The following CFAP20DC variants were observed in gnomAD, a reference collection of about 807,000 sequenced individuals.
The protein encoded by CFAP20DC is CFAP20 domain containing.
Under a neutral mutation model 101.7 loss-of-function variants are expected in CFAP20DC, and 84 were observed. That is an observed-to-expected ratio of 0.83 (90% CI 0.69 to 0.99). CFAP20DC has a LOEUF of 0.99. Among genes scored for constraint, CFAP20DC ranks in the 50% least tolerant of loss-of-function variants. The pLI is 0.00. For missense variants in CFAP20DC, 1,007 were observed against 970.3 expected, an observed-to-expected ratio of 1.04 and a Z score of -0.50; for synonymous variants, 359 against 351.2, an observed-to-expected ratio of 1.02 and a Z score of -0.25.
In CFAP20DC at chr3:59,014,643, T is replaced by A. The variant is rs1256749042; in HGVS notation, c.278+24914A>T. Among the ~76,000 whole-genome samples the A allele has an allele frequency of 1.3e-5, 2 of 152,202 alleles. No homozygotes were observed. Among genetic ancestry groups the A allele is most frequent in the Admixed American group, 6.5e-5 (1 of 15,270 alleles). On this transcript the variant is annotated intron_variant, in intron 4 of 16. Coordinates refer to ENST00000482387, the MANE Select transcript of CFAP20DC (RefSeq NM_001394063.1). This position sits in a 1 kb window ranked among gnomAD's most constrained non-coding sequence, Gnocchi z 4.9. ...CTCAATGGCTGTCAAAAAATGAGTC[T>A]GTTAAGGAGTTAACAGACATCTGAT...
intron 15 of CFAP20DC, among the ~76,000 whole-genome samples, chr3:58,767,842 TTATC>T (rs1428061722): frequency 2.6e-5 from 4 of 152,234 alleles, no homozygotes; most frequent in African/African-American, 7.2e-5. Context: ...CACCAAGTGT[TTATC>T]TAATCTATGC....
At position 58,874,565 on chromosome 3, in the gene CFAP20DC, G is replaced by C. The variant is rs1049191591; in HGVS notation, c.716-4256C>G. 6.6e-6 allele frequency among the ~76,000 whole-genome samples: 1 copy of C among 151,984 alleles called. No individual in the cohort carries two copies. The highest frequency in any genetic ancestry group is 2.4e-5 in the African/African-American group (1 of 41,386). Reference sequence around the variant, plus strand: ...CTCGTTTTCTGCCCTCTCGGTAGACGGGCCTTCTCAGTTCTTCCTGCCTAC... The same window carrying C: ...CTCGTTTTCTGCCCTCTCGGTAGACCGGCCTTCTCAGTTCTTCCTGCCTAC... On this transcript the variant is annotated intron_variant, in intron 7 of 16. Coordinates refer to ENST00000482387, the MANE Select transcript of CFAP20DC (RefSeq NM_001394063.1). This position sits in a 1 kb window ranked among gnomAD's most constrained non-coding sequence, Gnocchi z 5.1.
chr3:58,874,522 T>C lies in CFAP20DC; in HGVS notation c.716-4213A>G. Reference sequence around the variant, plus strand: ...GCAAAACCCTGCATGTTCTGACATGTCTGAGTATCTTACACCTCTCGTTTT... The same window carrying C: ...GCAAAACCCTGCATGTTCTGACATGCCTGAGTATCTTACACCTCTCGTTTT... On this transcript the variant is annotated intron_variant, in intron 7 of 16. Transcript: ENST00000482387. The surrounding 1 kb of genome is among the most constrained non-coding windows in gnomAD (Gnocchi z 5.1). Among the ~76,000 whole-genome samples the C allele has an allele frequency of 6.6e-6, 1 of 152,138 alleles. No individual in the cohort carries two copies. The highest frequency in any genetic ancestry group is 1.9e-4 in the East Asian group (1 of 5,202).
intron 4 of CFAP20DC, among the ~76,000 whole-genome samples, chr3:58,979,417 T>C: frequency 6.6e-6 from 1 of 152,230 alleles, no homozygotes; most frequent in South Asian, 2.1e-4. Context: ...GCACTATGTG[T>C]TAGCTGTTAC....
At chr3:58,962,216 C>T (rs575946342) in intron 4 of CFAP20DC, among the ~76,000 whole-genome samples, 4 of 152,244 alleles carry the variant, frequency 2.6e-5, no homozygotes, top group African/African-American at 9.6e-5. Context: ...GCTGCATTTT[C>T]GTTTTCCTTC....
At chr3:58,878,922 G>A (rs951357292) in intron 7 of CFAP20DC, among the ~76,000 whole-genome samples, 1 of 151,960 alleles carries the variant, frequency 6.6e-6, no homozygotes, top group African/African-American at 2.4e-5. Context: ...GCGGGAGAAC[G>A]GCGTGAACCC....
At chr3:59,037,707 A>C (rs1460243810) in intron 4 of CFAP20DC, among the ~76,000 whole-genome samples, 1 of 152,080 alleles carries the variant, frequency 6.6e-6, no homozygotes, top group African/African-American at 2.4e-5. Flanking sequence ...ACCACTGTAG[A>C]ATAAATGTGG....
In CFAP20DC at chr3:58,937,681, T is replaced by C. The variant is rs1174195991; in HGVS notation, c.360A>G (p.Ala120=). The change falls in exon 5 of 17, where the codon GCA becomes GCG. Residue 120 remains alanine (A), a synonymous_variant. Coordinates refer to ENST00000482387, the MANE Select transcript of CFAP20DC (RefSeq NM_001394063.1). ...GTTTGATCATGAAGAGTGGAATTTTTGCATGAAGAGGGGTGGAGGATAGTT... is the reference window on the plus strand; with the variant it reads ...GTTTGATCATGAAGAGTGGAATTTTCGCATGAAGAGGGGTGGAGGATAGTT... ...HKELSSTPLH[A]KIPLFMIKRK... is the part of the protein sequence containing the mutation. 1.2e-6 allele frequency: 2 copies of C among 1,611,744 alleles called. No homozygotes were observed. The highest frequency in any genetic ancestry group is 2.2e-5 in the East Asian group (1 of 44,816).
chr3:58,756,330 A>G (rs1029772562), intron 15 of CFAP20DC, among the ~76,000 whole-genome samples: 12 of 152,118 alleles, frequency 7.9e-5, no homozygotes, highest in Non-Finnish European at 1.5e-4. Flanking sequence ...AGCAAAACAA[A>G]CAAGAAACAC....
At chr3:58,965,128 A>T (rs1461213907) in intron 4 of CFAP20DC, among the ~76,000 whole-genome samples, 1 of 152,180 alleles carries the variant, frequency 6.6e-6, no homozygotes, top group Non-Finnish European at 1.5e-5. Flanking sequence ...GCCCTGCAAC[A>T]ACCATCCAGC....
chr3:58,949,269 T>TG (rs1449612799), intron 4 of CFAP20DC, among the ~76,000 whole-genome samples: 9 of 152,166 alleles, frequency 5.9e-5, no homozygotes, highest in Admixed American at 3.9e-4. Flanking sequence ...AAGGTTTTTT[T>TG]TGTCTCTATT....
Position 59,007,254 on chromosome 3 carries a change from C to A in CFAP20DC, c.278+32303G>T, listed in dbSNP as rs1326575171. Among the ~76,000 whole-genome samples the A allele has an allele frequency of 6.6e-6, 1 of 152,192 alleles. No homozygotes were observed. Among genetic ancestry groups the A allele is most frequent in the Admixed American group, 6.5e-5 (1 of 15,284 alleles). On this transcript the variant is annotated intron_variant, in intron 4 of 16. Coordinates refer to ENST00000482387, the MANE Select transcript of CFAP20DC (RefSeq NM_001394063.1). This position sits in a 1 kb window ranked among gnomAD's most constrained non-coding sequence, Gnocchi z 4.4. ...CCCCCATCTGAAGGTACTCCTCTACCCGCCCTGGTAGCTGAACACAAAAGA... is the reference window on the plus strand; with the variant it reads ...CCCCCATCTGAAGGTACTCCTCTACACGCCCTGGTAGCTGAACACAAAAGA...
At chr3:58,842,212 G>A (rs866479731) in intron 13 of CFAP20DC, among the ~76,000 whole-genome samples, 1 of 152,144 alleles carries the variant, frequency 6.6e-6, no homozygotes, top group East Asian at 1.9e-4. Flanking sequence ...CAGCGTGAGC[G>A]ACGCAGAAGA....
chr3:58,956,931 C>T (rs1016459028), intron 4 of CFAP20DC, among the ~76,000 whole-genome samples: 1 of 152,098 alleles, frequency 6.6e-6, no homozygotes, highest in Non-Finnish European at 1.5e-5. Context: ...TGGGGGAAAC[C>T]ACACCCATGA....
At chr3:58,883,697 G>C (rs2081387846) in intron 7 of CFAP20DC, among the ~76,000 whole-genome samples, 1 of 152,096 alleles carries the variant, frequency 6.6e-6, no homozygotes, top group Admixed American at 6.5e-5. Flanking sequence ...GTGTTTGTGA[G>C]TGTCACCTGA....
intron 14 of CFAP20DC, among the ~76,000 whole-genome samples, chr3:58,809,268 C>T (rs1330515241): frequency 1.3e-5 from 2 of 151,972 alleles, no homozygotes; most frequent in African/African-American, 4.8e-5. Context: ...AGCACCACAC[C>T]ACACCTATTC....
chr3:58,738,908 T>C (rs549148604), downstream of CFAP20DC, among the ~76,000 whole-genome samples: 25 of 152,318 alleles, frequency 1.6e-4, 1 homozygote, highest in South Asian at 4.6e-3. This position sits in a 1 kb window ranked among gnomAD's most constrained non-coding sequence, Gnocchi z 4.4. Flanking sequence ...AGAAGCAAGA[T>C]CTTTAATTAA....
At chr3:59,010,782 A>G (rs2093563917) in intron 4 of CFAP20DC, among the ~76,000 whole-genome samples, 1 of 152,226 alleles carries the variant, frequency 6.6e-6, no homozygotes, top group African/African-American at 2.4e-5. Flanking sequence ...CACATGGAAC[A>G]TTCTCCAAGA....
intron 4 of CFAP20DC, among the ~76,000 whole-genome samples, chr3:58,962,027 C>T (rs1353676047): frequency 3.3e-5 from 5 of 152,084 alleles, no homozygotes; most frequent in Non-Finnish European, 7.4e-5. Context: ...TCTGTGATTT[C>T]TACTCCAGTA....
Sources: allele counts gnomAD v4.1 joint callset (sites outside exome capture counted in the v4.1 genomes callset), GRCh38; gene constraint gnomAD v4.1.1; non-coding constraint Gnocchi (gnomAD v3.1); transcripts MANE v1.5; gene names NCBI Gene and HGNC (gene_info 2026-07-23, HGNC 2026-07-21).